The following FRMD4A variants were observed in gnomAD, a reference collection of about 807,000 sequenced individuals.
FRMD4A encodes the protein FERM domain-containing protein 4A.
A neutral mutation model predicts 129.1 loss-of-function variants in FRMD4A; 29 were observed. That is an observed-to-expected ratio of 0.22 (90% CI 0.17 to 0.31). The LOEUF (loss-of-function observed/expected upper bound fraction) is 0.31. Among genes scored for constraint, FRMD4A ranks in the 10% least tolerant of loss-of-function variants. FRMD4A has a pLI of 1.00. For synonymous variants in FRMD4A, 634 were observed against 571.6 expected (o/e 1.11, Z -1.56); for missense variants, 1,272 against 1,375.8 (o/e 0.92, Z 1.19).
chr10:13,648,849 C>T (rs2081323375), intron 24 of FRMD4A: 1 of 152,120 alleles, frequency 6.6e-6, no homozygotes, highest in South Asian at 2.1e-4. Context: ...TAAAACTTCC[C>T]TAAGGGGTTT....
chr10:13,928,916 T>C (rs1395750112), intron 2 of FRMD4A, among the ~76,000 whole-genome samples: 2 of 152,204 alleles, frequency 1.3e-5, no homozygotes, highest in African/African-American at 2.4e-5. Context: ...CTTGAAATAA[T>C]GTCACATGGA....
chr10:14,190,412 C>T (rs900406029), intron 2 of FRMD4A, among the ~76,000 whole-genome samples: 2 of 152,136 alleles, frequency 1.3e-5, no homozygotes, highest in South Asian at 2.1e-4. Context: ...TGCTCTGTTG[C>T]CCAGGCTGGA....
chr10:13,723,303 A>G (rs976441526), intron 12 of FRMD4A, among the ~76,000 whole-genome samples: 1 of 152,232 alleles, frequency 6.6e-6, no homozygotes, highest in Non-Finnish European at 1.5e-5. Flanking sequence ...TTATTCACTA[A>G]TGTCCCTTTT....
At chr10:14,184,298 A>ATTTTTTTTTT (rs60196881) in intron 2 of FRMD4A, among the ~76,000 whole-genome samples, 1 of 104,898 alleles carries the variant, frequency 9.5e-6, no homozygotes, top group Non-Finnish European at 2.0e-5. Context: ...CAACCGGTTA[A>ATTTTTTTTTT]TTTTTTTTTT....
At chr10:13,783,156 T>A in intron 5 of FRMD4A, 150 bp from the exon 6 acceptor site, 3 of 607,122 alleles carry the variant, frequency 4.9e-6, no homozygotes, top group Non-Finnish European at 8.8e-6. Context: ...TTTCTATGAT[T>A]CCCTAGGGAG....
At chr10:13,656,243 G>T (rs959651626) in intron 22 of FRMD4A, among the ~76,000 whole-genome samples, 1 of 152,192 alleles carries the variant, frequency 6.6e-6, no homozygotes, top group African/African-American at 2.4e-5. Flanking sequence ...TCCTTTGCAA[G>T]CTACAGCTGT....
At chr10:13,670,004 G>C (rs1021266121) in intron 17 of FRMD4A, among the ~76,000 whole-genome samples, 1 of 152,196 alleles carries the variant, frequency 6.6e-6, no homozygotes, top group African/African-American at 2.4e-5. Context: ...CCTTGCACCT[G>C]ATGCCGTGGC....
intron 2 of FRMD4A, among the ~76,000 whole-genome samples, chr10:14,162,505 T>G (rs547624532): frequency 1.3e-5 from 2 of 152,152 alleles, no homozygotes; most frequent in African/African-American, 4.8e-5. Context: ...GCACTCTCAT[T>G]GTACAGGAGG....
At position 13,904,992 on chromosome 10, in the gene FRMD4A, C is replaced by CAAAGAAAAAAAAAAAAAAA. The variant is rs551011444; in HGVS notation, c.46-46081_46-46080insTTTTTTTTTTTTTTTCTTT. Among the ~76,000 whole-genome samples the CAAAGAAAAAAAAAAAAAAA allele has an allele frequency of 2.7e-5, 3 of 109,418 alleles. 1 individual carries two copies. Among genetic ancestry groups the CAAAGAAAAAAAAAAAAAAA allele is most frequent in the Non-Finnish European group, 3.7e-5 (2 of 54,424 alleles). 71.8% of individuals were successfully genotyped at this position (109,418 alleles called of 152,430 possible). A position where few individuals can be genotyped will look rare whatever the true frequency, so the allele number is the denominator to read the frequency against. On this transcript the variant is annotated intron_variant, in intron 2 of 24. Coordinates refer to ENST00000357447, the MANE Select transcript of FRMD4A (RefSeq NM_018027.5). ...TGGGCGACAGAGTGAGACTCTATCT[C>CAAAGAAAAAAAAAAAAAAA]AAAAAAAAAAAAAAAAAAGAAAAGA...
intron 2 of FRMD4A, among the ~76,000 whole-genome samples, chr10:14,032,155 G>A (rs1052893570): frequency 2.6e-5 from 4 of 152,024 alleles, no homozygotes; most frequent in African/African-American, 9.7e-5. Flanking sequence ...TAAAATTCAT[G>A]GATCGTGCAA....
intron 5 of FRMD4A, among the ~76,000 whole-genome samples, chr10:13,792,607 G>T (rs533883978): frequency 7.2e-5 from 11 of 152,308 alleles, no homozygotes; most frequent in Middle Eastern, 3.4e-3. Flanking sequence ...AATCAGACCT[G>T]CTTCCAGGGT....
At chr10:13,834,245 C>CA (rs2093837841) in intron 3 of FRMD4A, among the ~76,000 whole-genome samples, 1 of 152,060 alleles carries the variant, frequency 6.6e-6, no homozygotes, top group South Asian at 2.1e-4. Flanking sequence ...GCCTGGGCAA[C>CA]AGAGTAAGAC....
chr10:14,001,151 G>A (rs954445254), intron 2 of FRMD4A, among the ~76,000 whole-genome samples: 1 of 152,174 alleles, frequency 6.6e-6, no homozygotes, highest in African/African-American at 2.4e-5. Context: ...TGTTCTCAGT[G>A]TTGGCTGCAG....
At chr10:14,013,760 C>T (rs900889089) in intron 2 of FRMD4A, among the ~76,000 whole-genome samples, 2 of 152,054 alleles carry the variant, frequency 1.3e-5, no homozygotes, top group African/African-American at 4.8e-5. Flanking sequence ...GGAGAAACCC[C>T]GTCTCTACCA....
intron 2 of FRMD4A, among the ~76,000 whole-genome samples, chr10:14,032,810 G>T (rs1833310387): frequency 6.6e-6 from 1 of 152,202 alleles, no homozygotes; most frequent in Admixed American, 6.5e-5. Context: ...ACATCCTGCA[G>T]GAAGGAAATG....
chr10:14,301,424 G>A (rs1846182403), intron 2 of FRMD4A, among the ~76,000 whole-genome samples: 1 of 152,202 alleles, frequency 6.6e-6, no homozygotes, highest in Middle Eastern at 3.2e-3. Context: ...ACTCTCACAG[G>A]TGCTGATAGA....
At chr10:13,648,594 C>T (rs1564501987) in intron 24 of FRMD4A, 1 of 152,134 alleles carries the variant, frequency 6.6e-6, no homozygotes, top group Non-Finnish European at 1.5e-5. Context: ...AGCTTTGAAA[C>T]CACAAGGATG....
chr10:13,903,721 A>T (rs1338448612), intron 2 of FRMD4A, among the ~76,000 whole-genome samples: 1 of 139,582 alleles, frequency 7.2e-6, no homozygotes, highest in Non-Finnish European at 1.6e-5. Flanking sequence ...AAATAAAAAT[A>T]AAAAAAAAAT....
intron 12 of FRMD4A, among the ~76,000 whole-genome samples, chr10:13,725,998 C>G (rs1469473777): frequency 4.6e-5 from 7 of 152,212 alleles, no homozygotes; most frequent in Middle Eastern, 3.2e-3. Flanking sequence ...TCATGACTTT[C>G]TAAAATAAAC....
Sources: allele counts gnomAD v4.1 joint callset (sites outside exome capture counted in the v4.1 genomes callset), GRCh38; gene constraint gnomAD v4.1.1; transcripts MANE v1.5; gene names NCBI Gene and HGNC (gene_info 2026-07-23, HGNC 2026-07-21).